The following SLC35D4 variants were observed in gnomAD, a reference collection of about 807,000 sequenced individuals.
SLC35D4 encodes solute carrier family 35 member D4, also known as UDP-N-acetylglucosamine transporter SLC35D4.
chr18:23,278,589 A>T, the SLC35D4 span, among the ~76,000 whole-genome samples: 1 of 152,244 alleles, frequency 6.6e-6, no homozygotes, highest in Non-Finnish European at 1.5e-5. Flanking sequence ...ACTATAAATT[A>T]GTAATCAAAC....
the SLC35D4 span, chr18:23,352,142 T>C: frequency 6.6e-7 from 1 of 1,507,178 alleles, no homozygotes; most frequent in South Asian, 1.2e-5. Flanking sequence ...GGTTCTGAGA[T>C]CTTTGGATAC....
chr18:23,353,448 T>C, the SLC35D4 span, among the ~76,000 whole-genome samples: 135 of 152,286 alleles, frequency 8.9e-4, 1 homozygote, highest in South Asian at 5.0e-3. Flanking sequence ...ACACATTAAC[T>C]AAATGCTTGT....
the SLC35D4 span, among the ~76,000 whole-genome samples, chr18:23,432,184 T>C: frequency 1.3e-5 from 2 of 152,220 alleles, no homozygotes; most frequent in Non-Finnish European, 2.9e-5. Context: ...CTTAACAAGC[T>C]TCATTATGAC....
the SLC35D4 span, among the ~76,000 whole-genome samples, chr18:23,414,555 C>G: frequency 2.0e-5 from 3 of 152,036 alleles, no homozygotes; most frequent in South Asian, 6.3e-4. Context: ...CACCTGTAAT[C>G]CCAGCTTCCC....
chr18:23,250,075 A>G, the SLC35D4 span, among the ~76,000 whole-genome samples: 1 of 152,200 alleles, frequency 6.6e-6, no homozygotes, highest in Admixed American at 6.5e-5. Context: ...TATATCTACA[A>G]ATAAGATGGA....
At chr18:23,241,937 A>T in the SLC35D4 span, among the ~76,000 whole-genome samples, 1 of 152,054 alleles carries the variant, frequency 6.6e-6, no homozygotes, top group Non-Finnish European at 1.5e-5. Context: ...AGTCACTCCC[A>T]CTGTTACCTA....
chr18:23,413,519 C>A, the SLC35D4 span, among the ~76,000 whole-genome samples: 1 of 152,338 alleles, frequency 6.6e-6, no homozygotes, highest in African/African-American at 2.4e-5. Flanking sequence ...CCTCCAGCAC[C>A]ACCTTATCTA....
chr18:23,406,728 G>A, the SLC35D4 span, among the ~76,000 whole-genome samples: 1 of 152,172 alleles, frequency 6.6e-6, no homozygotes, highest in Non-Finnish European at 1.5e-5. Flanking sequence ...AGCCTCCTCT[G>A]GTTCTGAGTG....
the SLC35D4 span, among the ~76,000 whole-genome samples, chr18:23,262,875 G>A: frequency 6.6e-6 from 1 of 152,238 alleles, no homozygotes; most frequent in South Asian, 2.1e-4. Flanking sequence ...GGGTGGGAAT[G>A]AAATCAGGGA....
the SLC35D4 span, among the ~76,000 whole-genome samples, chr18:23,431,555 G>A: frequency 8.4e-3 from 1,273 of 151,910 alleles, 14 homozygotes; most frequent in African/African-American, 0.029. Flanking sequence ...TATGTCTTTT[G>A]TATTAAATGA....
the SLC35D4 span, among the ~76,000 whole-genome samples, chr18:23,304,881 G>C: frequency 6.6e-6 from 1 of 152,170 alleles, no homozygotes; most frequent in Non-Finnish European, 1.5e-5. Context: ...ACCAGCTCCA[G>C]GGGCATCTTC....
At chr18:23,437,821 G>A in the SLC35D4 span, 1 of 1,613,136 alleles carries the variant, frequency 6.2e-7, no homozygotes, top group Non-Finnish European at 8.5e-7. Flanking sequence ...GGTACAAAAG[G>A]TGAGGCCGAC....
chr18:23,349,640 A>C, the SLC35D4 span, among the ~76,000 whole-genome samples: 1 of 152,226 alleles, frequency 6.6e-6, no homozygotes, highest in African/African-American at 2.4e-5. Flanking sequence ...CAAAAAACAA[A>C]ACAAAACAAA....
At chr18:23,431,435 C>T in the SLC35D4 span, among the ~76,000 whole-genome samples, 1 of 152,202 alleles carries the variant, frequency 6.6e-6, no homozygotes, top group Non-Finnish European at 1.5e-5. Context: ...GTATCCACTT[C>T]ATCTATGGTC....
the SLC35D4 span, among the ~76,000 whole-genome samples, chr18:23,388,439 G>A: frequency 1.3e-5 from 2 of 152,260 alleles, no homozygotes; most frequent in East Asian, 1.9e-4. Context: ...CCACTTGCTC[G>A]AGTATTCACA....
At chr18:23,413,023 G>A in the SLC35D4 span, among the ~76,000 whole-genome samples, 2 of 152,076 alleles carry the variant, frequency 1.3e-5, no homozygotes, top group African/African-American at 2.4e-5. Context: ...CTGGGTTTCC[G>A]TAAAGTTCTT....
the SLC35D4 span, among the ~76,000 whole-genome samples, chr18:23,241,461 G>A: frequency 6.7e-6 from 1 of 150,140 alleles, no homozygotes; most frequent in Non-Finnish European, 1.5e-5. Flanking sequence ...AACCCGGGAG[G>A]TGGAGGTTGC....
chr18:23,314,102 A>G, the SLC35D4 span, among the ~76,000 whole-genome samples: 1 of 152,220 alleles, frequency 6.6e-6, no homozygotes, highest in Non-Finnish European at 1.5e-5. Context: ...CGGACACTAC[A>G]CACAGCACCC....
chr18:23,405,869 C>T, the SLC35D4 span, among the ~76,000 whole-genome samples: 32 of 152,178 alleles, frequency 2.1e-4, no homozygotes, highest in Non-Finnish European at 3.5e-4. Context: ...GGGGTCAGAC[C>T]TTTCAATAGT....
Sources: allele counts gnomAD v4.1 joint callset (sites outside exome capture counted in the v4.1 genomes callset), GRCh38; gene constraint gnomAD v4.1.1; transcripts MANE v1.5; gene names NCBI Gene and HGNC (gene_info 2026-07-23, HGNC 2026-07-21).